SYT1: variants seen among roughly 807,000 people sequenced by gnomAD.
SYT1 encodes the protein synaptotagmin-1.
SYT1 carries 8 observed loss-of-function variants against 44.8 expected under a neutral mutation model. The observed-to-expected ratio is 0.18, with a 90% CI of 0.10 to 0.32. The LOEUF is 0.32. SYT1 is among the 10% of genes least tolerant of loss of function. The probability of loss-of-function intolerance (pLI) is 1.00; values close to 1 mark genes in which losing one functional copy is unlikely to be tolerated. For missense variants in SYT1, 286 were observed against 509.3 expected (o/e 0.56, Z 4.22); for synonymous variants, 154 against 188.8 (o/e 0.82, Z 1.51).
chr12:79,410,592 A>G (rs535130833), intron 9 of SYT1, among the ~76,000 whole-genome samples: 1 of 152,052 alleles, frequency 6.6e-6, no homozygotes, highest in Admixed American at 6.6e-5. Context: ...TCTCAGATGA[A>G]GAACTTTCCT....
intron 3 of SYT1, among the ~76,000 whole-genome samples, chr12:79,148,728 T>C (rs1318830199): frequency 4.6e-5 from 7 of 152,134 alleles, no homozygotes; most frequent in Non-Finnish European, 1.0e-4. Context: ...TATATCTGTA[T>C]GTGCAAAAAC....
chr12:78,931,227 GAAA>G lies in SYT1; in HGVS notation c.-216-46571_-216-46569del, dbSNP rs61196211. Among the ~76,000 whole-genome samples the G allele has an allele frequency of 9.0e-4, 57 of 63,012 alleles. 2 individuals are homozygous for G. The highest frequency in any genetic ancestry group is 3.3e-3 in the African/African-American group (38 of 11,576). 41.3% of individuals were successfully genotyped at this position (63,012 alleles called of 152,430 possible). A position where few individuals can be genotyped will look rare whatever the true frequency, so the allele number is the denominator to read the frequency against. ...AGAAAGAAAGAAAGAAAGAAAGAAA[GAAA>G]GAAAGAAAGAAGGAAGGAAGGAAGG... On this transcript the variant is annotated intron_variant, in intron 1 of 10. Transcript: ENST00000261205.
chr12:79,404,315 T>C (rs1885169396), intron 9 of SYT1, among the ~76,000 whole-genome samples: 1 of 152,160 alleles, frequency 6.6e-6, no homozygotes, highest in South Asian at 2.1e-4. Flanking sequence ...TGAAAAACTA[T>C]AAATAGAACT....
chr12:79,053,555 T>C (rs1171561632), intron 3 of SYT1, among the ~76,000 whole-genome samples: 2 of 149,318 alleles, frequency 1.3e-5, no homozygotes, highest in Middle Eastern at 3.3e-3. Context: ...TAAATTCTTA[T>C]GTATAAAATA....
chr12:79,216,306 C>T (rs144366210), intron 3 of SYT1, among the ~76,000 whole-genome samples: 195 of 152,228 alleles, frequency 1.3e-3, no homozygotes, highest in African/African-American at 4.4e-3. Flanking sequence ...TTTATAAGTT[C>T]GTCTACTTTC....
At chr12:78,990,053 A>G (rs1170223801) in intron 2 of SYT1, among the ~76,000 whole-genome samples, 1 of 152,148 alleles carries the variant, frequency 6.6e-6, no homozygotes, top group Non-Finnish European at 1.5e-5. Context: ...CATTCACAGG[A>G]AAGTAGAAGA....
At chr12:79,426,207 G>T (rs1316264715) in intron 9 of SYT1, among the ~76,000 whole-genome samples, 1 of 152,014 alleles carries the variant, frequency 6.6e-6, no homozygotes, top group Non-Finnish European at 1.5e-5. Flanking sequence ...AATTCACTCT[G>T]CACTCTCTTG....
chr12:78,972,841 G>A (rs112515534), intron 1 of SYT1, among the ~76,000 whole-genome samples: 12 of 152,012 alleles, frequency 7.9e-5, no homozygotes, highest in African/African-American at 2.9e-4. Flanking sequence ...CAAATAAAGG[G>A]TGCCAGACAG....
intron 3 of SYT1, among the ~76,000 whole-genome samples, chr12:79,213,979 T>C (rs1874626923): frequency 6.6e-6 from 1 of 152,200 alleles, no homozygotes; most frequent in African/African-American, 2.4e-5. Flanking sequence ...AATAATCAGC[T>C]AATTTTTTCA....
At chr12:79,191,287 T>C (rs963873159) in intron 3 of SYT1, among the ~76,000 whole-genome samples, 1 of 152,080 alleles carries the variant, frequency 6.6e-6, no homozygotes, top group Non-Finnish European at 1.5e-5. Flanking sequence ...GATATGGGGA[T>C]AGAATAGATA....
chr12:79,394,916 A>G (rs1291788109), intron 9 of SYT1, among the ~76,000 whole-genome samples: 1 of 152,234 alleles, frequency 6.6e-6, no homozygotes, highest in African/African-American at 2.4e-5. Flanking sequence ...ATAATTACCA[A>G]TAGAATTAAG....
intron 7 of SYT1, among the ~76,000 whole-genome samples, chr12:79,296,723 A>G (rs1879891466): frequency 6.6e-6 from 1 of 152,176 alleles, no homozygotes; most frequent in Non-Finnish European, 1.5e-5. Flanking sequence ...TAAAAGGAAT[A>G]TGAACATATT....
intron 3 of SYT1, chr12:79,103,145 A>G (rs563191931): frequency 5.1e-4 from 77 of 152,334 alleles, no homozygotes; most frequent in African/African-American, 1.8e-3. Flanking sequence ...CTAAACACAG[A>G]TAAGTTTTAC....
chr12:79,381,171 ATTATGCTG>A (rs1310024039), intron 9 of SYT1, among the ~76,000 whole-genome samples: 1 of 152,204 alleles, frequency 6.6e-6, no homozygotes, highest in Admixed American at 6.5e-5. Flanking sequence ...CTACTATATT[ATTATGCTG>A]AATTCCCTGA....
At chr12:79,349,530 GCTAT>G (rs1882796230) in intron 8 of SYT1, among the ~76,000 whole-genome samples, 1 of 152,114 alleles carries the variant, frequency 6.6e-6, no homozygotes, top group African/African-American at 2.4e-5. Context: ...CTCTGAGACA[GCTAT>G]GTAACCTACA....
chr12:79,134,541 A>G (rs17005249), intron 3 of SYT1, among the ~76,000 whole-genome samples: 2,337 of 152,306 alleles, frequency 0.015, 64 homozygotes, highest in African/African-American at 0.054. Flanking sequence ...TTTCAAAGAC[A>G]TCGCTAGTAC....
chr12:79,072,666 A>C (rs1443639197), intron 3 of SYT1, among the ~76,000 whole-genome samples: 3 of 152,162 alleles, frequency 2.0e-5, no homozygotes, highest in Non-Finnish European at 1.5e-5. Flanking sequence ...AGAGAAAACA[A>C]AATGTTTTCC....
Position 79,445,626 on chromosome 12 carries a change from T to C in SYT1, c.1062+1420T>C, listed in dbSNP as rs552016304. Among the ~76,000 whole-genome samples, 7 of 151,940 alleles carry C rather than the reference T, an allele frequency of 4.6e-5. No individual in the cohort carries two copies. The East Asian group carries it at 1.4e-3, about 29-fold the overall frequency. Reference sequence around the variant, plus strand: ...CCATCCATTGCCACAAATGACAGGATTCATTCTTTTTTATGGCCGAATAGT... The same window carrying C: ...CCATCCATTGCCACAAATGACAGGACTCATTCTTTTTTATGGCCGAATAGT... On this transcript the variant is annotated intron_variant, in intron 10 of 10. Transcript: ENST00000261205.
At chr12:79,100,604 G>A (rs545922506) in intron 3 of SYT1, among the ~76,000 whole-genome samples, 1 of 152,090 alleles carries the variant, frequency 6.6e-6, no homozygotes, top group South Asian at 2.1e-4. Flanking sequence ...CTTATTATCA[G>A]ATGATGGGGT....
Sources: gnomAD v4.1 joint callset for allele counts (sites outside exome capture counted in the v4.1 genomes callset) on GRCh38, gnomAD v4.1.1 for gene constraint, MANE v1.5 for transcripts, NCBI Gene and HGNC (gene_info 2026-07-23, HGNC 2026-07-21) for gene names.